PREX2: variants seen among roughly 807,000 people sequenced by gnomAD.
PREX2 encodes phosphatidylinositol-3,4,5-trisphosphate dependent Rac exchange factor 2.
PREX2 carries 107 observed loss-of-function variants against 203.2 expected under a neutral mutation model. The observed-to-expected ratio is 0.53, with a 90% CI of 0.45 to 0.62. The LOEUF (loss-of-function observed/expected upper bound fraction) is 0.62. Among genes scored for constraint, PREX2 ranks in the 20% least tolerant of loss-of-function variants. The probability of loss-of-function intolerance (pLI) is 0.00; values close to 1 mark genes in which losing one functional copy is unlikely to be tolerated. For missense variants in PREX2, 1,777 were observed against 1,955.9 expected (o/e 0.91, Z 1.72); for synonymous variants, 672 against 663.6 (o/e 1.01, Z -0.19).
chr8:68,031,119 A>G (rs902681363), intron 6 of PREX2, among the ~76,000 whole-genome samples: 1 of 152,134 alleles, frequency 6.6e-6, no homozygotes, highest in Non-Finnish European at 1.5e-5. Context: ...CTATGATCTT[A>G]TTTTTAAGGT....
At chr8:68,171,470 ACTT>A (rs1811875625) in intron 35 of PREX2, among the ~76,000 whole-genome samples, 1 of 149,406 alleles carries the variant, frequency 6.7e-6, no homozygotes, top group Non-Finnish European at 1.5e-5. Flanking sequence ...ACTTCTCACT[ACTT>A]CTGCAGGAAA....
intron 1 of PREX2, among the ~76,000 whole-genome samples, chr8:67,955,484 A>T (rs180740915): frequency 8.8e-4 from 134 of 152,184 alleles, no homozygotes; most frequent in African/African-American, 3.1e-3. Flanking sequence ...TTCCTTTTGT[A>T]CCTGGTGGAT....
Position 68,108,438 on chromosome 8 carries a change from T to C in PREX2, c.2938+107T>C, listed in dbSNP as rs1383724709. The C allele has an allele frequency of 2.0e-5, 14 of 714,006 alleles. No homozygotes were observed. In the East Asian group the frequency reaches 3.8e-4, roughly 19 times the overall value. The allele number at this position is 714,006 out of a possible 1,614,324, so 44.2% of individuals were successfully genotyped here. On this transcript the variant is annotated intron_variant, in intron 24 of 39. Coordinates refer to ENST00000288368, the MANE Select transcript of PREX2 (RefSeq NM_024870.4). ...TAGATACCTGGTGTGCAAACAAGCA[T>C]GAACTTTTATAAAGGAAGGATTTCT...
chr8:68,079,916 A>G (rs572088916), intron 15 of PREX2, among the ~76,000 whole-genome samples: 1 of 152,296 alleles, frequency 6.6e-6, no homozygotes, highest in Admixed American at 6.5e-5. Context: ...CTGAAATCAC[A>G]TTTAACCCAG....
At position 68,087,821 on chromosome 8, in the gene PREX2, G is replaced by A. The variant is rs776575220; in HGVS notation, c.2113+12G>A. ...TGCTGTAGGAAGAGGTAGGAAATTC[G>A]TCTTGCAGGGAAACAGCTTTCCAGC... On this transcript the variant is annotated intron_variant, in intron 19 of 39. Coordinates refer to ENST00000288368, the MANE Select transcript of PREX2 (RefSeq NM_024870.4). 1.1e-5 allele frequency: 18 copies of A among 1,587,950 alleles called. No homozygotes were observed. Among genetic ancestry groups the A allele is most frequent in the Admixed American group, 6.7e-5 (4 of 59,934 alleles).
intron 6 of PREX2, among the ~76,000 whole-genome samples, chr8:68,036,324 A>G (rs1296354258): frequency 1.3e-5 from 2 of 152,244 alleles, no homozygotes; most frequent in Non-Finnish European, 2.9e-5. Flanking sequence ...AAAGATAATT[A>G]TCAAGAAGTC....
Position 68,093,700 on chromosome 8 carries a change from T to C in PREX2, c.2346T>C (p.Asp782=). 6.3e-7 allele frequency: 1 copy of C among 1,589,188 alleles called. No individual in the cohort carries two copies. Among genetic ancestry groups the C allele is most frequent in the Non-Finnish European group, 8.6e-7 (1 of 1,158,948 alleles). ...AGCCCCCTGGAGATGAAGCAGGGGATGCTTTTGACTGTAAAGTAGAAGGTA... is the reference window on the plus strand; with the variant it reads ...AGCCCCCTGGAGATGAAGCAGGGGACGCTTTTGACTGTAAAGTAGAAGGTA... The part of the protein sequence containing the change: ...HSKPPGDEAG[D]AFDCKVEEVI... The change falls in exon 21 of 40, where the codon GAT becomes GAC. Residue 782 remains aspartate, a synonymous_variant. Coordinates refer to ENST00000288368, the MANE Select transcript of PREX2 (RefSeq NM_024870.4).
intron 21 of PREX2, chr8:68,095,011 A>T (rs1810011858): frequency 6.6e-6 from 1 of 152,266 alleles, no homozygotes; most frequent in South Asian, 2.1e-4. Flanking sequence ...ATTATAAAGG[A>T]TAAGAAGTGA....
chr8:68,064,539 G>T (rs200408260), intron 11 of PREX2, among the ~76,000 whole-genome samples: 3 of 149,380 alleles, frequency 2.0e-5, no homozygotes, highest in East Asian at 2.0e-4. Context: ...CAGCTAATTT[G>T]TTTTTTTTTT....
rs1400038084 is a variant in PREX2 at position 67,952,147 on chromosome 8, C to G, written c.-248C>G. On this transcript the variant is annotated 5_prime_UTR_variant, in exon 1 of 40. Transcript: ENST00000288368. ...GAGCAGCGGGGCCGGGCGCGCAGGG[C>G]CTGGCCGGAGCCCCCACTCCCAGGA... The G allele has an allele frequency of 2.9e-6, 1 of 340,870 alleles. No individual in the cohort carries two copies. Among genetic ancestry groups the G allele is most frequent in the East Asian group, 4.8e-5 (1 of 20,678 alleles). The allele number at this position is 340,870 out of a possible 1,614,324, so 21.1% of individuals were successfully genotyped here.
chr8:68,101,827 C>A (rs1308553236), intron 23 of PREX2, among the ~76,000 whole-genome samples: 13 of 151,942 alleles, frequency 8.6e-5, no homozygotes, highest in African/African-American at 3.1e-4. Context: ...TTCTTTCACA[C>A]AACAAAAAAG....
At chr8:68,047,480 T>TATATATATATATATACACAC (rs1554570837) in intron 8 of PREX2, among the ~76,000 whole-genome samples, 1 of 62,740 alleles carries the variant, frequency 1.6e-5, no homozygotes, top group African/African-American at 9.2e-5. Context: ...TATATATATA[T>TATATATATATATATACACAC]ATATATATAT....
intron 35 of PREX2, among the ~76,000 whole-genome samples, chr8:68,185,066 T>C (rs545982447): frequency 2.6e-5 from 4 of 152,278 alleles, no homozygotes; most frequent in Admixed American, 6.5e-5. Context: ...CAGTTCCCTA[T>C]TTATATTACC....
chr8:67,996,723 A>G (rs899994071), intron 1 of PREX2, among the ~76,000 whole-genome samples: 10 of 152,192 alleles, frequency 6.6e-5, no homozygotes, highest in Admixed American at 2.6e-4. Flanking sequence ...TCCCAAGATC[A>G]TGATATAATT....
intron 37 of PREX2, among the ~76,000 whole-genome samples, chr8:68,200,341 A>G (rs1278749485): frequency 6.6e-6 from 1 of 152,174 alleles, no homozygotes; most frequent in Non-Finnish European, 1.5e-5. Flanking sequence ...ATAAAGATAA[A>G]TCTTAATTAC....
At chr8:68,039,964 T>C (rs1808146430) in intron 7 of PREX2, among the ~76,000 whole-genome samples, 1 of 152,164 alleles carries the variant, frequency 6.6e-6, no homozygotes, top group African/African-American at 2.4e-5. Flanking sequence ...ATAAAACAAA[T>C]CAGATCATGT....
At chr8:68,009,878 C>T (rs931636933) in intron 1 of PREX2, among the ~76,000 whole-genome samples, 1 of 152,184 alleles carries the variant, frequency 6.6e-6, no homozygotes, top group African/African-American at 2.4e-5. Context: ...CTTTTCTGAA[C>T]CTGGCTTTTC....
At chr8:68,195,605 T>G (rs1260500269) in intron 37 of PREX2, among the ~76,000 whole-genome samples, 1 of 152,168 alleles carries the variant, frequency 6.6e-6, no homozygotes. Context: ...GTAATTCTAA[T>G]TTAGACAGCT....
At position 68,235,180 on chromosome 8, in the gene PREX2, G is replaced by A. The variant is rs1396895596; in HGVS notation, c.*3802G>A. ...TTCCTGTGTAGCATGATTTAATGCA[G>A]AGCAGTTATTCACTTATACTTCTGA... On this transcript the variant is annotated 3_prime_UTR_variant, in exon 40 of 40. Coordinates refer to ENST00000288368, the MANE Select transcript of PREX2 (RefSeq NM_024870.4). The A allele has an allele frequency of 6.6e-6, 1 of 152,050 alleles. No homozygotes were observed. The allele number at this position is 152,050 out of a possible 1,614,324, so 9.4% of individuals were successfully genotyped here. A position where few individuals can be genotyped will look rare whatever the true frequency, so the allele number is the denominator to read the frequency against.
Sources: gnomAD v4.1 joint callset for allele counts (sites outside exome capture counted in the v4.1 genomes callset) on GRCh38, gnomAD v4.1.1 for gene constraint, MANE v1.5 for transcripts, NCBI Gene and HGNC (gene_info 2026-07-23, HGNC 2026-07-21) for gene names.